ARHGEF4: variants seen among roughly 807,000 people sequenced by gnomAD.
The protein encoded by ARHGEF4 is APC-stimulated guanine nucleotide exchange factor 1.
Under a neutral mutation model 162.0 loss-of-function variants are expected in ARHGEF4, and 119 were observed. That is an observed-to-expected ratio of 0.73 (90% CI 0.63 to 0.86). ARHGEF4 has a LOEUF of 0.86. ARHGEF4 is among the 40% of genes least tolerant of loss of function. ARHGEF4 has a pLI of 0.00. For synonymous variants in ARHGEF4, 1,014 were observed against 979.9 expected, an observed-to-expected ratio of 1.03 and a Z score of -0.65; for missense variants, 2,488 against 2,456.0, an observed-to-expected ratio of 1.01 and a Z score of -0.28.
rs1054548671 is a variant in ARHGEF4 at position 130,915,672 on chromosome 2, C to T, written c.1726C>T (p.Pro576Ser). Residue 576 changes from proline (P) to serine (S), a missense_variant, in exon 2 of 14, where the codon CCC (proline) becomes TCC (serine). Physicochemically the swap from Pro to Ser is moderately conservative, Grantham distance 74 (BLOSUM62 -1). Around this residue, in one of 6 missense-constraint regions of ARHGEF4, gnomAD observed 1,642 missense variants for 1,481.5 expected, o/e 1.11. Transcript: ENST00000409359. ...KAAEEAMVLD[P>S]NYREQALQGL... ...AGCCGAAGAAGCCATGGTTCTAGAC[C>T]CCAACTACAGGGAACAGGCTTTGCA... 1.7e-5 allele frequency: 26 copies of T among 1,550,254 alleles called. No homozygotes were observed. In the Admixed American group the frequency reaches 4.9e-4, roughly 29 times the overall value.
chr2:130,964,020 G>C (rs1338385190), intron 4 of ARHGEF4: 2 of 277,108 alleles, frequency 7.2e-6, no homozygotes, highest in African/African-American at 3.0e-5. Flanking sequence ...CCCCGAGCCT[G>C]TGGCTGGAGC....
At chr2:131,036,429 T>G (rs1475873768) in intron 5 of ARHGEF4, among the ~76,000 whole-genome samples, 1 of 152,102 alleles carries the variant, frequency 6.6e-6, no homozygotes, top group Non-Finnish European at 1.5e-5. Flanking sequence ...CAAAGGCAAT[T>G]AACACCTCCT....
chr2:130,970,741 C>T (rs1685308844), intron 4 of ARHGEF4, among the ~76,000 whole-genome samples: 1 of 152,080 alleles, frequency 6.6e-6, no homozygotes, highest in African/African-American at 2.4e-5. Context: ...GCATCCAGAC[C>T]CACATAATTT....
At chr2:130,902,604 G>GGAAAGAAAAGAAA (rs142356938) in intron 1 of ARHGEF4, among the ~76,000 whole-genome samples, 11,402 of 151,000 alleles carry the variant, frequency 0.076, 793 homozygotes, top group African/African-American at 0.17. Flanking sequence ...AAAAATGAAA[G>GGAAAGAAAAGAAA]GAAAGAAAAG....
intron 4 of ARHGEF4, among the ~76,000 whole-genome samples, chr2:130,973,959 T>C (rs1685527649): frequency 6.6e-6 from 1 of 152,126 alleles, no homozygotes; most frequent in African/African-American, 2.4e-5. Flanking sequence ...AGAAGTCATC[T>C]GATTTAAACA....
At chr2:130,847,829 C>T (rs1043842029) in intron 1 of ARHGEF4, among the ~76,000 whole-genome samples, 1 of 152,228 alleles carries the variant, frequency 6.6e-6, no homozygotes, top group Non-Finnish European at 1.5e-5. Context: ...GCCTTGAAGG[C>T]CCATCCGTGT....
Position 130,889,438 on chromosome 2 carries a change from CCTT to C in ARHGEF4, c.40-24545_40-24543del, listed in dbSNP as rs576062374. ...TCTTTCTTCCGTCTAAGATTGCTCT[CCTT>C]CTGTCTGAAATTCATCCTTTAGATT... On this transcript the variant is annotated intron_variant, in intron 1 of 13. Transcript: ENST00000409359. Among the ~76,000 whole-genome samples the C allele has an allele frequency of 6.6e-5, 10 of 152,140 alleles. No individual in the cohort carries two copies. In the East Asian group the frequency reaches 1.7e-3, roughly 26 times the overall value.
chr2:130,915,490 A>G lies in ARHGEF4; in HGVS notation c.1544A>G (p.Glu515Gly). The change falls in exon 2 of 14, where the codon GAA (glutamate) becomes GGA (glycine). Residue 515 changes from glutamate to glycine, a missense_variant. Physicochemically the swap from Glu to Gly is moderately conservative, Grantham distance 98. This residue lies in a region of ARHGEF4 where 1,642 missense variants were observed against 1,481.5 expected (regional missense o/e 1.11). Transcript: ENST00000409359. The part of the protein sequence containing the change: ...NYTSKYVLSE[E>G]SKSPTRAKFP... ...ACATCAAAGTATGTGCTCAGCGAGG[A>G]AAGCAAGTCACCTACCAGGGCCAAG... 1 of 1,550,570 alleles carries G rather than the reference A, an allele frequency of 6.4e-7. No individual in the cohort carries two copies. Among genetic ancestry groups the G allele is most frequent in the East Asian group, 2.4e-5 (1 of 40,904 alleles).
Position 130,990,545 on chromosome 2 carries a change from T to C in ARHGEF4, c.3986-37400T>C, listed in dbSNP as rs550943055. 6.6e-5 allele frequency among the ~76,000 whole-genome samples: 10 copies of C among 152,250 alleles called. No homozygotes were observed. The East Asian group carries it at 1.9e-3, about 29-fold the overall frequency. On this transcript the variant is annotated intron_variant, in intron 4 of 13. Coordinates refer to ENST00000409359, the MANE Select transcript of ARHGEF4 (RefSeq NM_001367493.1). The stretch of plus-strand genomic sequence containing the variant: ...AAAACTCTTGCTATAAAACCCTAGT[T>C]ATGCTGAATAAAAAACAACAAAAGT...
intron 4 of ARHGEF4, among the ~76,000 whole-genome samples, chr2:130,993,813 T>G (rs372204521): frequency 1.7e-3 from 257 of 152,282 alleles, no homozygotes; most frequent in Non-Finnish European, 2.9e-3. Context: ...AGATGGAGTC[T>G]TGCTGTTACC....
chr2:131,040,926 G>C (rs890986329), intron 8 of ARHGEF4, among the ~76,000 whole-genome samples: 1 of 142,692 alleles, frequency 7.0e-6, no homozygotes, highest in African/African-American at 3.0e-5. Flanking sequence ...GAGGATGCCT[G>C]TCCCACCCAA....
chr2:131,013,150 C>G (rs2403239), intron 4 of ARHGEF4, among the ~76,000 whole-genome samples: 7,160 of 151,870 alleles, frequency 0.047, 154 homozygotes, highest in Non-Finnish European at 0.057. Flanking sequence ...CAGGGCACGC[C>G]GCAGTGTGGA....
At chr2:130,970,999 CAGAG>C (rs1297110883) in intron 4 of ARHGEF4, among the ~76,000 whole-genome samples, 2 of 152,138 alleles carry the variant, frequency 1.3e-5, no homozygotes, top group Non-Finnish European at 1.5e-5. Flanking sequence ...CCTGAGGTCA[CAGAG>C]AGTTTCTTTT....
At chr2:130,869,779 C>T (rs1678337233) in intron 1 of ARHGEF4, among the ~76,000 whole-genome samples, 1 of 152,204 alleles carries the variant, frequency 6.6e-6, no homozygotes, top group Non-Finnish European at 1.5e-5. Context: ...GGAACGGCCG[C>T]CTCTTACTGA....
At chr2:130,846,606 G>A (rs1052651064) in intron 1 of ARHGEF4, among the ~76,000 whole-genome samples, 1 of 152,194 alleles carries the variant, frequency 6.6e-6, no homozygotes, top group African/African-American at 2.4e-5. Flanking sequence ...CGGGCCCAGT[G>A]AGAGGGGCTT....
chr2:131,042,599 G>C (rs1690904155), intron 10 of ARHGEF4, among the ~76,000 whole-genome samples: 1 of 152,204 alleles, frequency 6.6e-6, no homozygotes, highest in Admixed American at 6.5e-5. Context: ...AGAACATTAT[G>C]AAAATACAGA....
intron 1 of ARHGEF4, among the ~76,000 whole-genome samples, chr2:130,857,186 C>G (rs1430854184): frequency 6.6e-6 from 1 of 151,886 alleles, no homozygotes; most frequent in East Asian, 1.9e-4. Flanking sequence ...GAGCCGAGAT[C>G]GCGTCACTGC....
chr2:130,958,262 T>C (rs1028673571), intron 4 of ARHGEF4, among the ~76,000 whole-genome samples: 1 of 151,888 alleles, frequency 6.6e-6, no homozygotes, highest in African/African-American at 2.4e-5. Context: ...TAGTCTGAAG[T>C]GGAGTCTCTG....
At chr2:130,883,567 A>T (rs1455764406) in intron 1 of ARHGEF4, among the ~76,000 whole-genome samples, 2 of 152,102 alleles carry the variant, frequency 1.3e-5, no homozygotes, top group African/African-American at 4.8e-5. Context: ...AATGTCTTGC[A>T]TGGTGTTGAC....
Sources: allele counts gnomAD v4.1 joint callset (sites outside exome capture counted in the v4.1 genomes callset), GRCh38; gene constraint gnomAD v4.1.1; regional missense constraint gnomAD v4.1.1; transcripts MANE v1.5; gene names NCBI Gene and HGNC (gene_info 2026-07-23, HGNC 2026-07-21).